Variants in AFF3 observed in about 807,000 individuals in gnomAD.
The protein encoded by AFF3 is ALF transcription elongation factor 3, also known as AF4/FMR2 family member 3.
A neutral mutation model predicts 129.7 loss-of-function variants in AFF3; 32 were observed. That is an observed-to-expected ratio of 0.25 (90% CI 0.19 to 0.33). The LOEUF is 0.33. Ranked by LOEUF, AFF3 falls within the 10% of genes least tolerant of loss-of-function variation. The probability of loss-of-function intolerance (pLI) is 1.00; values close to 1 mark genes in which losing one functional copy is unlikely to be tolerated. For synonymous variants in AFF3, 644 were observed against 635.4 expected, an observed-to-expected ratio of 1.01 and a Z score of -0.20; for missense variants, 1,373 against 1,592.0, an observed-to-expected ratio of 0.86 and a Z score of 2.34.
chr2:99,876,964 G>A (rs566596207), intron 7 of AFF3, among the ~76,000 whole-genome samples: 8 of 152,310 alleles, frequency 5.3e-5, no homozygotes, highest in African/African-American at 1.9e-4. Context: ...GGATTTTATA[G>A]TGGCAAAAGA....
At chr2:100,054,887 C>T (rs917608507) in intron 4 of AFF3, among the ~76,000 whole-genome samples, 1 of 152,178 alleles carries the variant, frequency 6.6e-6, no homozygotes, top group Non-Finnish European at 1.5e-5. Flanking sequence ...GGAAGCACTA[C>T]CCCAGGTGAC....
chr2:99,939,072 T>C (rs1359053119), intron 7 of AFF3, among the ~76,000 whole-genome samples: 1 of 152,254 alleles, frequency 6.6e-6, no homozygotes, highest in South Asian at 2.1e-4. Context: ...TGTTGCTCTC[T>C]CTCTCTTGGT....
At chr2:99,587,596 A>G (rs903708566) in intron 15 of AFF3, among the ~76,000 whole-genome samples, 8 of 152,216 alleles carry the variant, frequency 5.3e-5, no homozygotes, top group African/African-American at 1.9e-4. Flanking sequence ...CTGAGTTCCC[A>G]CTGCAGCTCC....
At chr2:100,010,285 A>G (rs973336562) in intron 4 of AFF3, among the ~76,000 whole-genome samples, 5 of 152,226 alleles carry the variant, frequency 3.3e-5, no homozygotes, top group African/African-American at 1.2e-4. Flanking sequence ...CTAAATAACT[A>G]TCTTTAGTAA....
chr2:100,083,728 C>G lies in AFF3; in HGVS notation c.53+20674G>C, dbSNP rs534778987. On this transcript the variant is annotated intron_variant, in intron 4 of 24. Coordinates refer to ENST00000672756, the MANE Select transcript of AFF3 (RefSeq NM_001386135.1). ...GAAAGACAAAAATGAAAGAAAGGAA[C>G]AGAAATGCAGAGACGATGAGAGGGA... is the stretch of plus-strand genomic sequence containing the variant. Among the ~76,000 whole-genome samples the G allele has an allele frequency of 8.5e-5, 13 of 152,122 alleles. No homozygotes were observed. The East Asian group carries it at 2.3e-3, about 27-fold the overall frequency.
intron 4 of AFF3, among the ~76,000 whole-genome samples, chr2:100,080,011 A>G (rs925766648): frequency 1.3e-5 from 2 of 152,200 alleles, no homozygotes; most frequent in African/African-American, 2.4e-5. Flanking sequence ...TTCATCACAC[A>G]GCAGCACTCC....
intron 7 of AFF3, among the ~76,000 whole-genome samples, chr2:99,947,356 T>C (rs1015153280): frequency 2.0e-5 from 3 of 152,046 alleles, no homozygotes; most frequent in Non-Finnish European, 2.9e-5. Context: ...GGCAGGAGAA[T>C]CACTTGAACC....
intron 7 of AFF3, among the ~76,000 whole-genome samples, chr2:99,911,249 A>G (rs1271422147): frequency 6.6e-6 from 1 of 152,124 alleles, no homozygotes; most frequent in African/African-American, 2.4e-5. Context: ...TTAGCCGGGC[A>G]TGGTGGCACA....
At position 99,558,919 on chromosome 2, in the gene AFF3, C is replaced by A; in HGVS notation, c.3241G>T (p.Asp1081Tyr). Residue 1081 changes from aspartate to tyrosine, a missense_variant, in exon 22 of 25, where the codon GAC becomes TAC. Transcript: ENST00000672756. Reference sequence around the variant, plus strand: ...GCTTTTGAATACTTTACAGCGTGGTCCCTTTTGAGTCGAAACATCCGCCAG... The same window carrying A: ...GCTTTTGAATACTTTACAGCGTGGTACCTTTTGAGTCGAAACATCCGCCAG... Reference protein sequence around the residue: ...LYWRMFRLKRDHAVKYSKALI... With the variant: ...LYWRMFRLKRYHAVKYSKALI... The A allele has an allele frequency of 6.2e-7, 1 of 1,614,152 alleles. No homozygotes were observed. Among genetic ancestry groups the A allele is most frequent in the South Asian group, 1.1e-5 (1 of 91,078 alleles).
chr2:99,809,833 C>G (rs529965649), intron 8 of AFF3, among the ~76,000 whole-genome samples: 2 of 152,306 alleles, frequency 1.3e-5, no homozygotes, highest in Middle Eastern at 6.8e-3. Flanking sequence ...TCACTAACTC[C>G]TTTGGTACAG....
intron 8 of AFF3, among the ~76,000 whole-genome samples, chr2:99,760,650 A>T (rs1012829151): frequency 6.6e-6 from 1 of 151,936 alleles, no homozygotes; most frequent in Non-Finnish European, 1.5e-5. Context: ...CCACCCTTTC[A>T]TTGCTGCTTT....
chr2:100,105,421 G>T, intron 3 of AFF3, 83 bp downstream of exon 3: 2 of 1,315,028 alleles, frequency 1.5e-6, no homozygotes, highest in South Asian at 2.5e-5. Flanking sequence ...GCTCTCCGTT[G>T]CGGTTTGGCC....
intron 7 of AFF3, among the ~76,000 whole-genome samples, chr2:100,003,970 C>T (rs982571593): frequency 1.3e-4 from 19 of 141,636 alleles, no homozygotes; most frequent in Admixed American, 3.4e-4. Flanking sequence ...GCAGAGATTA[C>T]ATCTTACACT....
chr2:99,635,168 A>C (rs1683527179), intron 13 of AFF3, among the ~76,000 whole-genome samples: 1 of 151,856 alleles, frequency 6.6e-6, no homozygotes, highest in African/African-American at 2.4e-5. Context: ...TGATATATAC[A>C]CATATCTCTA....
chr2:99,683,127 T>C (rs1353992237), intron 11 of AFF3, among the ~76,000 whole-genome samples: 1 of 152,170 alleles, frequency 6.6e-6, no homozygotes, highest in East Asian at 1.9e-4. Context: ...TCAAACTGAC[T>C]GATGTGTATA....
chr2:99,701,007 T>C (rs1305965097), intron 11 of AFF3, among the ~76,000 whole-genome samples: 1 of 152,180 alleles, frequency 6.6e-6, no homozygotes, highest in Non-Finnish European at 1.5e-5. Flanking sequence ...ACACTCATAC[T>C]GAAAGGGACA....
At chr2:99,913,352 G>A (rs1280579496) in intron 7 of AFF3, among the ~76,000 whole-genome samples, 1 of 152,148 alleles carries the variant, frequency 6.6e-6, no homozygotes, top group African/African-American at 2.4e-5. Context: ...GTCAGAGAAG[G>A]GAGTTATAAA....
chr2:100,106,111 C>G (rs2105511211), intron 2 of AFF3: 1 of 1,268,392 alleles, frequency 7.9e-7, no homozygotes, highest in South Asian at 1.3e-5. Context: ...GACTTCTTTC[C>G]TATTTGAGAT....
intron 7 of AFF3, among the ~76,000 whole-genome samples, chr2:99,870,829 T>C (rs1412510911): frequency 6.6e-6 from 1 of 152,222 alleles, no homozygotes; most frequent in Non-Finnish European, 1.5e-5. Flanking sequence ...GTCCCTCAAA[T>C]TGATTTAAAT....
Sources: gnomAD v4.1 joint callset for allele counts (sites outside exome capture counted in the v4.1 genomes callset) on GRCh38, gnomAD v4.1.1 for gene constraint, MANE v1.5 for transcripts, NCBI Gene and HGNC (gene_info 2026-07-23, HGNC 2026-07-21) for gene names.